Variants in CR1 observed in about 807,000 individuals in gnomAD.
The protein encoded by CR1 is complement receptor type 1.
A neutral mutation model predicts 187.3 loss-of-function variants in CR1; 116 were observed. The observed-to-expected ratio is 0.62, with a 90% CI of 0.53 to 0.72. The LOEUF (loss-of-function observed/expected upper bound fraction) is 0.72. Ranked by LOEUF, CR1 falls within the 30% of genes least tolerant of loss-of-function variation. The pLI is 0.00. For synonymous variants in CR1, 576 were observed against 747.1 expected (o/e 0.77, Z 3.73); for missense variants, 1,731 against 2,110.7 (o/e 0.82, Z 3.52).
Position 207,630,523 on chromosome 1 carries a change from T to G in CR1, c.7359T>G (p.Asn2453Lys). 1 of 1,599,220 alleles carries G rather than the reference T, an allele frequency of 6.3e-7. No homozygotes were observed. Among genetic ancestry groups the G allele is most frequent in the Non-Finnish European group, 8.5e-7 (1 of 1,173,378 alleles). ...TTTTTTCTCTGCCAATTAGCAATAA[T>G]GCACATGAAAACCCTAAAGAAGTGG... ...WIILKHRKGN[N>K]AHENPKEVAI... Residue 2453 changes from asparagine (N) to lysine (K), a missense_variant, in exon 46 of 47, where the codon AAT (asparagine) becomes AAG (lysine). Asn to Lys is a moderately conservative substitution (Grantham distance 94, BLOSUM62 0). Around this residue, in one of 5 missense-constraint regions of CR1, gnomAD observed 1,312 missense variants for 1,379.6 expected, o/e 0.95. Transcript: ENST00000367049.
chr1:207,523,635 C>A lies in CR1; in HGVS notation c.512C>A (p.Thr171Asn). 1 of 1,613,978 alleles carries A rather than the reference C, an allele frequency of 6.2e-7. No individual in the cohort carries two copies. The highest frequency in any genetic ancestry group is 1.1e-5 in the South Asian group (1 of 91,090). ...CDRIPCGLPP[T>N]ITNGDFISTN... ...GGAATTCCTTGTGGGCTACCCCCCA[C>A]CATCACCAATGGAGATTTCATTAGC... The change falls in exon 5 of 47, where the codon ACC becomes AAC. Residue 171 changes from threonine (T) to asparagine (N), a missense_variant. Thr to Asn is a moderately conservative substitution (Grantham distance 65). Coordinates refer to ENST00000367049, the MANE Select transcript of CR1 (RefSeq NM_000651.6).
chr1:207,603,922 C>T (rs1055024242), intron 35 of CR1, among the ~76,000 whole-genome samples: 1 of 152,156 alleles, frequency 6.6e-6, no homozygotes, highest in Non-Finnish European at 1.5e-5. Flanking sequence ...CACATGTACA[C>T]AAGAGACAAG....
At chr1:207,626,542 G>T (rs1662484801) in intron 45 of CR1, among the ~76,000 whole-genome samples, 3 of 152,298 alleles carry the variant, frequency 2.0e-5, no homozygotes, top group South Asian at 4.1e-4. Context: ...TGAGTGGAGA[G>T]TATCGTAGTG....
rs1002257467 is a variant in CR1, at chr1:207,578,093, A to G, written c.4826A>G (p.Asn1609Ser). 2 of 1,611,812 alleles carry G rather than the reference A, an allele frequency of 1.2e-6. No homozygotes were observed. The highest frequency in any genetic ancestry group is 1.7e-6 in the Non-Finnish European group (2 of 1,179,686). The change falls in exon 29 of 47, where the codon AAT becomes AGT. Residue 1609 changes from asparagine to serine, a missense_variant. This residue lies in a region of CR1 where 1,312 missense variants were observed against 1,379.6 expected (regional missense o/e 0.95). Transcript: ENST00000367049. ...VSDNRSLFSLNEVVEFRCQPG... is the reference protein window; with the variant it reads ...VSDNRSLFSLSEVVEFRCQPG... ...GACAACAGAAGCTTATTTTCCTTAA[A>G]TGAAGTTGTGGAGTTTAGGTGTCAG...
rs1433020893 is a variant in CR1, at chr1:207,609,505, A to G, written c.6112A>G (p.Thr2038Ala). ...WSSPPPRCIS[T>A]NKCTAPEVEN... ...CAGCCCTCCCCCTCGGTGTATTTCT[A>G]CTAATAAATGCACAGCTCCAGAAGT... is the stretch of plus-strand genomic sequence containing the variant. Residue 2038 changes from threonine to alanine, a missense_variant, in exon 37 of 47, where the codon ACT becomes GCT. Around this residue, in one of 5 missense-constraint regions of CR1, gnomAD observed 1,312 missense variants for 1,379.6 expected, o/e 0.95. Coordinates refer to ENST00000367049, the MANE Select transcript of CR1 (RefSeq NM_000651.6). 1 of 1,613,940 alleles carries G rather than the reference A, an allele frequency of 6.2e-7. No homozygotes were observed. Among genetic ancestry groups the G allele is most frequent in the African/African-American group, 1.3e-5 (1 of 75,032 alleles).
At chr1:207,577,726 G>T in intron 28 of CR1, 79 bp from the exon 29 acceptor site, 1 of 1,578,920 alleles carries the variant, frequency 6.3e-7, no homozygotes, top group Non-Finnish European at 8.6e-7. Flanking sequence ...CCATGATTGT[G>T]CCACTGCACT....
chr1:207,506,138 A>C, intron 2 of CR1, 55 bp downstream of exon 2: 1 of 1,579,864 alleles, frequency 6.3e-7, no homozygotes, highest in Middle Eastern at 1.7e-4. Context: ...GTAAGATCTG[A>C]TTCAATTTGT....
At position 207,584,526 on chromosome 1, in the gene CR1, ACTTTC is replaced by A. The variant is rs2102349006; in HGVS notation, c.5303-119_5303-115del. 6 of 1,220,582 alleles carry A rather than the reference ACTTTC, an allele frequency of 4.9e-6. 1 individual carries two copies. The East Asian group carries it at 1.0e-4, about 20-fold the overall frequency. 75.6% of individuals were successfully genotyped at this position (1,220,582 alleles called of 1,614,324 possible). ...CTAATACATTTATTTTGCAGTTTCT[ACTTTC>A]CTTAAGAAGAAAAGTACGCTTAATT... On this transcript the variant is annotated intron_variant, in intron 32 of 46. Transcript: ENST00000367049.
intron 35 of CR1, among the ~76,000 whole-genome samples, chr1:207,604,987 G>A (rs148227156): frequency 3.0e-3 from 452 of 152,130 alleles, no homozygotes; most frequent in Non-Finnish European, 5.1e-3. Flanking sequence ...ATTGCTGGCC[G>A]GGCACAGTGT....
At chr1:207,584,898 T>C (rs532366483) in intron 33 of CR1, 22 bp downstream of exon 33, 4 of 1,613,372 alleles carry the variant, frequency 2.5e-6, no homozygotes, top group East Asian at 2.2e-5. Context: ...CTTCCACATA[T>C]CCTAAATGGG....
chr1:207,612,656 C>T (rs537227106), intron 39 of CR1, among the ~76,000 whole-genome samples: 88 of 152,366 alleles, frequency 5.8e-4, no homozygotes, highest in African/African-American at 2.0e-3. Context: ...GCCCACTGGG[C>T]GGCGTCTGGC....
rs1376611403 is a variant in CR1 at position 207,580,499 on chromosome 1, TTC to T, written c.5114-10_5114-9del. On this transcript the variant is annotated splice_polypyrimidine_tract_variant and intron_variant, in intron 30 of 46. Transcript: ENST00000367049. Reference sequence around the variant, plus strand: ...CTCCTATTTTTTCTTTTTTTTTTTTTTCTTCTTCTAGTGAAATCCTGTGATGA... The same window carrying T: ...CTCCTATTTTTTCTTTTTTTTTTTTTTTCTTCTAGTGAAATCCTGTGATGA... 1.3e-5 allele frequency: 20 copies of T among 1,590,472 alleles called. No homozygotes were observed. Among genetic ancestry groups the T allele is most frequent in the South Asian group, 5.9e-5 (5 of 85,432 alleles).
Position 207,523,688 on chromosome 1 carries a change from T to G in CR1, c.565T>G (p.Ser189Ala), listed in dbSNP as rs1660068232. 5.0e-6 allele frequency: 8 copies of G among 1,613,712 alleles called. No individual in the cohort carries two copies. The highest frequency in any genetic ancestry group is 6.8e-6 in the Non-Finnish European group (8 of 1,179,894). Residue 189 changes from serine (S) to alanine (A), a missense_variant, in exon 5 of 47, where the codon TCA becomes GCA. Physicochemically the swap from Ser to Ala is moderately conservative, Grantham distance 99. Transcript: ENST00000367049. ...STNRENFHYGSVVTYRCNPGS... is the reference protein window; with the variant it reads ...STNRENFHYGAVVTYRCNPGS... ...CAACAGAGAGAATTTTCACTATGGA[T>G]CAGTGGTGACCTACCGCTGCAATCC...
At position 207,597,015 on chromosome 1, in the gene CR1, G is replaced by T. The variant is rs150339181; in HGVS notation, c.5810+8241G>T. Among the ~76,000 whole-genome samples the T allele has an allele frequency of 4.6e-3, 686 of 148,556 alleles. 6 individuals are homozygous for T. The highest frequency in any genetic ancestry group is 0.016 in the African/African-American group (659 of 40,870). On this transcript the variant is annotated intron_variant, in intron 35 of 46. Transcript: ENST00000367049. ...TTACTTCATTCCTAACTTCCTAGTT[G>T]TAGTGATAAAATCTATTATTTTATA...
At chr1:207,600,793 T>C (rs1661580999) in intron 35 of CR1, 1 of 152,176 alleles carries the variant, frequency 6.6e-6, no homozygotes, top group Non-Finnish European at 1.5e-5. Context: ...GTTAACTAAT[T>C]TGTCCAAATT....
chr1:207,574,625 T>G (rs1363667800), intron 27 of CR1, among the ~76,000 whole-genome samples: 1 of 152,158 alleles, frequency 6.6e-6, no homozygotes, highest in Non-Finnish European at 1.5e-5. Context: ...ATAATCTCTC[T>G]AAACTCATAG....
chr1:207,502,399 G>A (rs1659298720), intron 1 of CR1, among the ~76,000 whole-genome samples: 1 of 152,142 alleles, frequency 6.6e-6, no homozygotes, highest in African/African-American at 2.4e-5. Context: ...GATGAGATTG[G>A]GTGTGTTCAG....
intron 36 of CR1, among the ~76,000 whole-genome samples, chr1:207,608,641 T>C (rs2102382347): frequency 6.6e-6 from 1 of 152,276 alleles, no homozygotes; most frequent in East Asian, 1.9e-4. Flanking sequence ...AATTATCAGT[T>C]TACTATACAA....
Position 207,608,990 on chromosome 1 carries a change from T to C in CR1, c.5897-300T>C, listed in dbSNP as rs369904719. On this transcript the variant is annotated intron_variant, in intron 36 of 46. Coordinates refer to ENST00000367049, the MANE Select transcript of CR1 (RefSeq NM_000651.6). ...CCTATAGGAAAAAATAGTCCAGCAA[T>C]AGATAAGTACCTTAACAATCTGTGA... Among the ~76,000 whole-genome samples the C allele has an allele frequency of 4.2e-4, 64 of 152,254 alleles. 2 individuals are homozygous for C. The highest frequency in any genetic ancestry group is 1.5e-3 in the African/African-American group (61 of 41,538).
Sources: allele counts gnomAD v4.1 joint callset (sites outside exome capture counted in the v4.1 genomes callset), GRCh38; gene constraint gnomAD v4.1.1; regional missense constraint gnomAD v4.1.1; transcripts MANE v1.5; gene names NCBI Gene and HGNC (gene_info 2026-07-23, HGNC 2026-07-21).